Variants in HTRA3 observed in about 807,000 individuals in gnomAD.
HTRA3 encodes the protein HtrA serine peptidase 3, also known as serine protease HTRA3.
A neutral mutation model predicts 43.2 loss-of-function variants in HTRA3; 41 were observed. The ratio of observed to expected loss-of-function variants is 0.95; its 90% CI spans 0.74 to 1.23. The LOEUF is 1.23. Among genes scored for constraint, HTRA3 ranks in the 50% most tolerant of loss-of-function variants. The probability of loss-of-function intolerance (pLI) is 0.00; values close to 1 mark genes in which losing one functional copy is unlikely to be tolerated. For missense variants in HTRA3, 628 were observed against 647.1 expected (o/e 0.97, Z 0.32); for synonymous variants, 295 against 287.9 (o/e 1.02, Z -0.25).
rs1712969386 is a variant in HTRA3, at chr4:8,286,452, G to A, written c.486-109G>A. On this transcript the variant is annotated intron_variant, in intron 2 of 8. Coordinates refer to ENST00000307358, the MANE Select transcript of HTRA3 (RefSeq NM_053044.5). This position sits in a 1 kb window ranked among gnomAD's most constrained non-coding sequence, Gnocchi z 4.9. Reference sequence around the variant, plus strand: ...TTGAGGGACTCCAGACCTGTGTTCTGTCAGCCACACACTGGCTCTGCTCCT... The same window carrying A: ...TTGAGGGACTCCAGACCTGTGTTCTATCAGCCACACACTGGCTCTGCTCCT... 3.4e-6 allele frequency: 3 copies of A among 883,010 alleles called. No individual in the cohort carries two copies. The South Asian group carries it at 4.5e-5, about 13-fold the overall frequency. 54.7% of individuals were successfully genotyped at this position (883,010 alleles called of 1,614,324 possible).
Position 8,286,443 on chromosome 4 carries a change from C to A in HTRA3, c.486-118C>A. 1 of 831,038 alleles carries A rather than the reference C, an allele frequency of 1.2e-6. No individual in the cohort carries two copies. Among genetic ancestry groups the A allele is most frequent in the Non-Finnish European group, 2.0e-6 (1 of 497,182 alleles). 51.5% of individuals were successfully genotyped at this position (831,038 alleles called of 1,614,324 possible). Reference sequence around the variant, plus strand: ...AATGGGAGCTTGAGGGACTCCAGACCTGTGTTCTGTCAGCCACACACTGGC... The same window carrying A: ...AATGGGAGCTTGAGGGACTCCAGACATGTGTTCTGTCAGCCACACACTGGC... On this transcript the variant is annotated intron_variant, in intron 2 of 8. Coordinates refer to ENST00000307358, the MANE Select transcript of HTRA3 (RefSeq NM_053044.5). This position sits in a 1 kb window ranked among gnomAD's most constrained non-coding sequence, Gnocchi z 4.9.
chr4:8,304,860 C>T (rs4235259), intron 8 of HTRA3, among the ~76,000 whole-genome samples: 149,395 of 152,120 alleles, frequency 0.98, 73,387 homozygotes, highest in East Asian at 1. Flanking sequence ...GGTTTCACCA[C>T]GTTGGCCAGG....
chr4:8,304,189 T>C lies in HTRA3; in HGVS notation c.1106T>C (p.Val369Ala). Reference protein sequence around the residue: ...IRMRTITPSLVDELKASNPDF... With the variant: ...IRMRTITPSLADELKASNPDF... ...TGACGGCAGACTCTTTCCAGCCTGG[T>C]GGATGAGCTGAAGGCCAGCAACCCG... is the stretch of plus-strand genomic sequence containing the variant. The change falls in exon 8 of 9, where the codon GTG becomes GCG. Residue 369 changes from valine (V) to alanine (A), a missense_variant. Transcript: ENST00000307358. The C allele has an allele frequency of 1.9e-6, 3 of 1,613,934 alleles. No individual in the cohort carries two copies. The highest frequency in any genetic ancestry group is 1.7e-5 in the Admixed American group (1 of 60,012).
At chr4:8,280,849 A>G (rs1450627514) in intron 1 of HTRA3, among the ~76,000 whole-genome samples, 1 of 152,208 alleles carries the variant, frequency 6.6e-6, no homozygotes, top group Non-Finnish European at 1.5e-5. Context: ...TGAGAGGCAG[A>G]CATCGGAAGT....
intron 1 of HTRA3, among the ~76,000 whole-genome samples, chr4:8,274,108 AGGGC>A (rs1399747311): frequency 6.6e-6 from 1 of 152,066 alleles, no homozygotes; most frequent in African/African-American, 2.4e-5. Flanking sequence ...CTTGACTCAC[AGGGC>A]CCTGTGCCTG....
At chr4:8,304,112 G>T in intron 7 of HTRA3, 72 bp from the exon 8 acceptor site, 1 of 1,248,038 alleles carries the variant, frequency 8.0e-7, no homozygotes, top group South Asian at 1.3e-5. Flanking sequence ...CTGGAGGGAG[G>T]GAGGGGCAGC....
intron 1 of HTRA3, among the ~76,000 whole-genome samples, chr4:8,274,661 A>T (rs939066477): frequency 1.3e-5 from 2 of 152,200 alleles, no homozygotes; most frequent in African/African-American, 2.4e-5. Context: ...CAGAGTGGAT[A>T]AATGTCCATC....
Position 8,282,472 on chromosome 4 carries a change from A to C in HTRA3, c.421A>C (p.Asn141His). ...HQLSSPRYKF[N>H]FIADVVEKIA... is the part of the protein sequence containing the mutation. Reference sequence around the variant, plus strand: ...GCTGAGCAGCCCGCGCTACAAGTTCAACTTCATTGCTGACGTGGTGGAGAA... The same window carrying C: ...GCTGAGCAGCCCGCGCTACAAGTTCCACTTCATTGCTGACGTGGTGGAGAA... The change falls in exon 2 of 9, where the codon AAC becomes CAC. Residue 141 changes from asparagine (N) to histidine (H), a missense_variant. Transcript: ENST00000307358. 6.2e-7 allele frequency: 1 copy of C among 1,614,058 alleles called. No homozygotes were observed. Among genetic ancestry groups the C allele is most frequent in the Non-Finnish European group, 8.5e-7 (1 of 1,180,006 alleles).
rs1391083337 is a variant in HTRA3 at position 8,279,661 on chromosome 4, G to A, written c.386-2776G>A. The stretch of plus-strand genomic sequence containing the variant: ...TCTAATCACCTGTGGGAGGAGAGGT[G>A]CTGCCATTCCTCCTTCTGCTGTGTT... On this transcript the variant is annotated intron_variant, in intron 1 of 8. Transcript: ENST00000307358. This position sits in a 1 kb window ranked among gnomAD's most constrained non-coding sequence, Gnocchi z 7.4. Among the ~76,000 whole-genome samples the A allele has an allele frequency of 6.6e-6, 1 of 152,146 alleles. No individual in the cohort carries two copies. The highest frequency in any genetic ancestry group is 2.4e-5 in the African/African-American group (1 of 41,432).
intron 1 of HTRA3, among the ~76,000 whole-genome samples, chr4:8,271,100 G>A (rs13120925): frequency 6.6e-6 from 1 of 151,908 alleles, no homozygotes; most frequent in Non-Finnish European, 1.5e-5. Context: ...AGGGTCCTGC[G>A]TGCCATCAGC....
At chr4:8,287,248 C>T (rs1251821088) in intron 3 of HTRA3, among the ~76,000 whole-genome samples, 2 of 152,110 alleles carry the variant, frequency 1.3e-5, no homozygotes, top group East Asian at 3.9e-4. Flanking sequence ...GAGGCCTGCA[C>T]TGAGGCCCCC....
At chr4:8,282,656 G>T (rs1278918199) in intron 2 of HTRA3, 120 bp downstream of exon 2, 8 of 763,078 alleles carry the variant, frequency 1.0e-5, no homozygotes, top group East Asian at 2.7e-5. Flanking sequence ...GAGTGGCCTG[G>T]GGTCAGGCTG....
At position 8,306,147 on chromosome 4, in the gene HTRA3, C is replaced by A; in HGVS notation, c.*11C>A. Reference sequence around the variant, plus strand: ...GAGGTGGTCATGTGAGGGGCGCATTCCTCCAGCGCCAAGCGTCAGAGCCTG... The same window carrying A: ...GAGGTGGTCATGTGAGGGGCGCATTACTCCAGCGCCAAGCGTCAGAGCCTG... On this transcript the variant is annotated 3_prime_UTR_variant, in exon 9 of 9. Coordinates refer to ENST00000307358, the MANE Select transcript of HTRA3 (RefSeq NM_053044.5). This position sits in a 1 kb window ranked among gnomAD's most constrained non-coding sequence, Gnocchi z 8.9. The A allele has an allele frequency of 6.4e-7, 1 of 1,557,794 alleles. No individual in the cohort carries two copies. Among genetic ancestry groups the A allele is most frequent in the South Asian group, 1.2e-5 (1 of 83,074 alleles).
Position 8,279,191 on chromosome 4 carries a change from G to A in HTRA3, c.386-3246G>A, listed in dbSNP as rs968841632. 6.6e-6 allele frequency among the ~76,000 whole-genome samples: 1 copy of A among 152,066 alleles called. No individual in the cohort carries two copies. Among genetic ancestry groups the A allele is most frequent in the Non-Finnish European group, 1.5e-5 (1 of 68,030 alleles). On this transcript the variant is annotated intron_variant, in intron 1 of 8. Transcript: ENST00000307358. This position sits in a 1 kb window ranked among gnomAD's most constrained non-coding sequence, Gnocchi z 7.4. ...AGGCCACCTCCCAGCCCAGCCCCAC[G>A]GCCCTTCTGTCTCAGGCCTTGCTCT...
intron 3 of HTRA3, among the ~76,000 whole-genome samples, chr4:8,290,596 A>C (rs1713194618): frequency 6.6e-6 from 1 of 152,254 alleles, no homozygotes; most frequent in East Asian, 1.9e-4. Context: ...GTACGAGCAC[A>C]GAACCGCCTT....
chr4:8,300,985 A>ATTATTGATTCACACTCATCT (rs966734917), intron 6 of HTRA3, among the ~76,000 whole-genome samples: 1,514 of 147,722 alleles, frequency 0.01, 21 homozygotes, highest in African/African-American at 0.037. Context: ...ACTCATCTTT[A>ATTATTGATTCACACTCATCT]TTATTGATTC....
At chr4:8,273,444 C>T (rs1186926795) in intron 1 of HTRA3, among the ~76,000 whole-genome samples, 1 of 152,114 alleles carries the variant, frequency 6.6e-6, no homozygotes, top group Non-Finnish European at 1.5e-5. Flanking sequence ...GTGCTCTCCT[C>T]TCCCCTCCCC....
intron 1 of HTRA3, among the ~76,000 whole-genome samples, chr4:8,271,807 A>C (rs962267736): frequency 2.0e-5 from 3 of 152,206 alleles, no homozygotes. Flanking sequence ...TTGTGACCTC[A>C]TCACCTCCTA....
chr4:8,303,547 AC>A (rs1713733911), intron 7 of HTRA3, among the ~76,000 whole-genome samples: 1 of 152,210 alleles, frequency 6.6e-6, no homozygotes, highest in African/African-American at 2.4e-5. Flanking sequence ...TGCTCAAGTG[AC>A]CATTTCCTCA....
Sources: allele counts gnomAD v4.1 joint callset (sites outside exome capture counted in the v4.1 genomes callset), GRCh38; gene constraint gnomAD v4.1.1; non-coding constraint Gnocchi (gnomAD v3.1); transcripts MANE v1.5; gene names NCBI Gene and HGNC (gene_info 2026-07-23, HGNC 2026-07-21).